Variants in TEP1 observed in about 807,000 individuals in gnomAD.
The protein encoded by TEP1 is telomerase associated protein 1.
Under a neutral mutation model 306.3 loss-of-function variants are expected in TEP1, and 241 were observed. That is an observed-to-expected ratio of 0.79 (90% confidence interval 0.71 to 0.88). TEP1 has a LOEUF of 0.88. TEP1 is among the 40% of genes least tolerant of loss of function. The pLI, the probability that TEP1 is intolerant of heterozygous loss-of-function variation, is 0.00. For missense variants in TEP1, 3,051 were observed against 3,276.1 expected (o/e 0.93, Z 1.68); for synonymous variants, 1,289 against 1,305.5 (o/e 0.99, Z 0.27).
chr14:20,387,944 T>G lies in TEP1; in HGVS notation c.2645A>C (p.Glu882Ala). 2.5e-6 allele frequency: 4 copies of G among 1,613,968 alleles called. No homozygotes were observed. Among genetic ancestry groups the G allele is most frequent in the Non-Finnish European group, 2.5e-6 (3 of 1,179,944 alleles). The change falls in exon 18 of 55, where the codon GAG (glutamate) becomes GCG (alanine). Residue 882 changes from glutamate (E) to alanine (A), a missense_variant. Physicochemically the swap from Glu to Ala is moderately radical, Grantham distance 107. This residue lies in a region of TEP1 where 1,507 missense variants were observed against 1,550.5 expected (regional missense o/e 0.97). Transcript: ENST00000262715. The part of the protein sequence containing the change: ...TGVQSLRPLE[E>A]DTPSPLAPVS... ...AGGAGCCAAGGGGCTTGGAGTGTCC[T>G]CTTCCAGTGGCCGGAGAGACTGGAC...
At position 20,389,855 on chromosome 14, in the gene TEP1, T is replaced by A. The variant is rs755249888; in HGVS notation, c.2335-115A>T. 19 of 1,355,100 alleles carry A rather than the reference T, an allele frequency of 1.4e-5. No individual in the cohort carries two copies. In the South Asian group the frequency reaches 2.3e-4, roughly 16 times the overall value. 83.9% of individuals were successfully genotyped at this position (1,355,100 alleles called of 1,614,324 possible). On this transcript the variant is annotated intron_variant, in intron 15 of 54. Coordinates refer to ENST00000262715, the MANE Select transcript of TEP1 (RefSeq NM_007110.5). ...AGGAGAACTCTGAGAGGAGTACCTC[T>A]CCTGAGAGCACATAGAATGAGGGAA...
chr14:20,369,643 C>T (rs750495252), intron 52 of TEP1, 31 bp downstream of exon 52: 9 of 1,612,908 alleles, frequency 5.6e-6, no homozygotes, highest in South Asian at 5.5e-5. Context: ...GGCCATCTCC[C>T]GGCTCCTCAG....
chr14:20,408,381 C>T lies in TEP1; in HGVS notation c.59G>A (p.Arg20Gln), dbSNP rs202114016. The change falls in exon 2 of 55, where the codon CGG becomes CAG. Residue 20 changes from arginine (R) to glutamine (Q), a missense_variant. Physicochemically the swap from Arg to Gln is conservative, Grantham distance 43. Coordinates refer to ENST00000262715, the MANE Select transcript of TEP1 (RefSeq NM_007110.5). ...TAAGTCAGGGAGCATAGCCAGGCAC[C>T]GGTTCTCCAAGGAGAGGATGTCTGG... ...AHPDILSLEN[R>Q]CLAMLPDLQP... The T allele has an allele frequency of 1.3e-5, 21 of 1,613,408 alleles. No homozygotes were observed. The Admixed American group carries it at 1.7e-4, about 13-fold the overall frequency.
Position 20,373,412 on chromosome 14 carries a change from A to G in TEP1, c.6682-10T>C, listed in dbSNP as rs1884977615. On this transcript the variant is annotated splice_polypyrimidine_tract_variant and intron_variant, in intron 46 of 54. Transcript: ENST00000262715. ...TGTGGGTTTGGCACACCTAGGAGGA[A>G]GGGATGGAGATGGGCTCATGAGAGT... The G allele has an allele frequency of 6.2e-7, 1 of 1,614,092 alleles. No individual in the cohort carries two copies. The highest frequency in any genetic ancestry group is 8.5e-7 in the Non-Finnish European group (1 of 1,179,980).
At position 20,372,781 on chromosome 14, in the gene TEP1, C is replaced by G; in HGVS notation, c.7028G>C (p.Ser2343Thr). Reference protein sequence around the residue: ...FFVLSADEKISEWQVKLRKGS... With the variant: ...FFVLSADEKITEWQVKLRKGS... ...CTTCCGCAGTTTCACTTGCCACTCG[C>G]TGATTTTCTCATCAGCACTGAGGAC... Residue 2343 changes from serine (S) to threonine (T), a missense_variant, in exon 49 of 55, where the codon AGC becomes ACC. By Grantham distance (58) the Ser-to-Thr change is moderately conservative. Coordinates refer to ENST00000262715, the MANE Select transcript of TEP1 (RefSeq NM_007110.5). 3 of 1,614,136 alleles carry G rather than the reference C, an allele frequency of 1.9e-6. No individual in the cohort carries two copies. The highest frequency in any genetic ancestry group is 2.5e-6 in the Non-Finnish European group (3 of 1,180,022).
At chr14:20,399,400 A>C (rs921584653) in intron 9 of TEP1, among the ~76,000 whole-genome samples, 3 of 152,192 alleles carry the variant, frequency 2.0e-5, no homozygotes, top group African/African-American at 7.2e-5. Flanking sequence ...TTAAGATTGC[A>C]AAATTCACTA....
intron 39 of TEP1, 61 bp from the exon 40 acceptor site, chr14:20,377,814 T>C: frequency 6.3e-7 from 1 of 1,594,720 alleles, no homozygotes. Context: ...CCTTCCTGTT[T>C]TGAGTTACAG....
Position 20,378,403 on chromosome 14 carries a change from C to T in TEP1, c.5485G>A (p.Val1829Met), listed in dbSNP as rs1439015159. 6 of 1,614,136 alleles carry T rather than the reference C, an allele frequency of 3.7e-6. No individual in the cohort carries two copies. Among genetic ancestry groups the T allele is most frequent in the African/African-American group, 1.3e-5 (1 of 74,948 alleles). Reference protein sequence around the residue: ...SWAGSISFFQVDGLKVTKDLG... With the variant: ...SWAGSISFFQMDGLKVTKDLG... ...ACCTTGGTGACTTTGAGCCCATCCA[C>T]CTGGAAGAAGCTGATGCTGCCAGCC... The change falls in exon 38 of 55, where the codon GTG becomes ATG. Residue 1829 changes from valine to methionine, a missense_variant. By Grantham distance (21) the Val-to-Met change is conservative (BLOSUM62 1). Transcript: ENST00000262715.
Position 20,377,493 on chromosome 14 carries a change from C to A in TEP1, c.5876-1G>T. 1.9e-6 allele frequency: 3 copies of A among 1,613,668 alleles called. No individual in the cohort carries two copies. Among genetic ancestry groups the A allele is most frequent in the Non-Finnish European group, 2.5e-6 (3 of 1,179,710 alleles). ...GCCTGACCCTGAGCCCCCTGGGAAC[C>A]TAGAGAATGAGAGAGAACAAGGGAG... On this transcript the variant is annotated splice_acceptor_variant, in intron 40 of 54. Coordinates refer to ENST00000262715, the MANE Select transcript of TEP1 (RefSeq NM_007110.5). LOFTEE classifies it high-confidence loss of function.
In TEP1 at chr14:20,373,082, T is replaced by C. The variant is rs1248634343; in HGVS notation, c.6880A>G (p.Met2294Val). The stretch of plus-strand genomic sequence containing the variant: ...CCAGCTTGATTTCCAGATACTGCCA[T>C]GGAACCATCTGGTGCCCAAGCCACA... ...TAVAWAPDGS[M>V]AVSGNQAGEL... The change falls in exon 48 of 55, where the codon ATG becomes GTG. Residue 2294 changes from methionine to valine, a missense_variant. By Grantham distance (21) the Met-to-Val change is conservative. Around this residue, in one of 3 missense-constraint regions of TEP1, gnomAD observed 1,540 missense variants for 1,705.9 expected, o/e 0.90. Transcript: ENST00000262715. The C allele has an allele frequency of 2.5e-6, 4 of 1,614,090 alleles. No individual in the cohort carries two copies. Among genetic ancestry groups the C allele is most frequent in the South Asian group, 1.1e-5 (1 of 91,088 alleles).
chr14:20,383,653 G>T lies in TEP1; in HGVS notation c.3711-9C>A, dbSNP rs368724046. On this transcript the variant is annotated splice_polypyrimidine_tract_variant and intron_variant, in intron 25 of 54. Coordinates refer to ENST00000262715, the MANE Select transcript of TEP1 (RefSeq NM_007110.5). ...GCTCCCACACCAGGCTTCTGTACAT[G>T]GAGAGGAAGTCAGGGTCAGTGGGAG... 6.2e-7 allele frequency: 1 copy of T among 1,612,430 alleles called. No individual in the cohort carries two copies. The highest frequency in any genetic ancestry group is 8.5e-7 in the Non-Finnish European group (1 of 1,179,508).
At chr14:20,391,127 C>T in intron 13 of TEP1, 31 bp from the exon 14 acceptor site, 1 of 1,607,418 alleles carries the variant, frequency 6.2e-7, no homozygotes, top group Admixed American at 1.7e-5. Context: ...GGAAATAAAG[C>T]TCCCCTGCTT....
chr14:20,410,799 GTGGTTTTT>G (rs1181761435), intron 1 of TEP1, among the ~76,000 whole-genome samples: 7 of 115,446 alleles, frequency 6.1e-5, no homozygotes, highest in Non-Finnish European at 8.8e-5. Flanking sequence ...TTTCTCCTTT[GTGGTTTTT>G]TTTTTTTTTT....
Position 20,372,722 on chromosome 14 carries a change from G to A in TEP1, c.7076+11C>T. On this transcript the variant is annotated intron_variant, in intron 49 of 54. Transcript: ENST00000262715. ...CTGTTTCTATCCCATTAACCCATCA[G>A]CCTGTTTCACCTCAAATTTCCGGGT... is the stretch of plus-strand genomic sequence containing the variant. 2 of 1,614,050 alleles carry A rather than the reference G, an allele frequency of 1.2e-6. No homozygotes were observed. Among genetic ancestry groups the A allele is most frequent in the Non-Finnish European group, 1.7e-6 (2 of 1,179,998 alleles).
Position 20,378,792 on chromosome 14 carries a change from G to A in TEP1, c.5314C>T (p.Arg1772Trp), listed in dbSNP as rs748921052. Residue 1772 changes from arginine to tryptophan, a missense_variant, in exon 37 of 55, where the codon CGG (arginine) becomes TGG (tryptophan). Arg to Trp is a moderately radical substitution (Grantham distance 101, BLOSUM62 -3). Coordinates refer to ENST00000262715, the MANE Select transcript of TEP1 (RefSeq NM_007110.5). ...ITGCCLSPDC[R>W]LLATVCLGGC... is the part of the protein sequence containing the mutation. ...CCCAAGCACACGGTGGCTAGCAGCC[G>A]GCAGTCTGGGCTCAGGCAGCAGCCA... The A allele has an allele frequency of 2.3e-5, 37 of 1,614,012 alleles. No homozygotes were observed. The highest frequency in any genetic ancestry group is 5.5e-5 in the South Asian group (5 of 91,084).
intron 17 of TEP1, among the ~76,000 whole-genome samples, chr14:20,388,280 C>T (rs1425361527): frequency 6.6e-6 from 1 of 152,220 alleles, no homozygotes; most frequent in African/African-American, 2.4e-5. Flanking sequence ...GCTCTAGCCC[C>T]TCCTGCTGTG....
intron 17 of TEP1, among the ~76,000 whole-genome samples, chr14:20,388,758 G>A (rs576135483): frequency 6.6e-6 from 1 of 152,332 alleles, no homozygotes; most frequent in South Asian, 2.1e-4. Flanking sequence ...TGAGGATCAT[G>A]GAGCAATAAG....
rs1594375653 is a variant in TEP1, at chr14:20,405,519, G to A, written c.802C>T (p.Pro268Ser). 6.2e-7 allele frequency: 1 copy of A among 1,614,144 alleles called. No homozygotes were observed. The highest frequency in any genetic ancestry group is 8.5e-7 in the Non-Finnish European group (1 of 1,180,036). ...SEVNMNNTSD[P>S]TLAAIFEICR... Reference sequence around the variant, plus strand: ...ATTTCAAAAATGGCAGCCAGGGTGGGGTCAGATGTATTGTTCATGTTTACT... The same window carrying A: ...ATTTCAAAAATGGCAGCCAGGGTGGAGTCAGATGTATTGTTCATGTTTACT... The change falls in exon 4 of 55, where the codon CCC (proline) becomes TCC (serine). Residue 268 changes from proline to serine, a missense_variant. This residue lies in a region of TEP1 where 1,507 missense variants were observed against 1,550.5 expected (regional missense o/e 0.97). Transcript: ENST00000262715.
rs576402003 is a variant in TEP1 at position 20,406,400 on chromosome 14, C to T, written c.568G>A (p.Gly190Ser). 1.9e-6 allele frequency: 3 copies of T among 1,613,854 alleles called. No homozygotes were observed. The South Asian group carries it at 3.3e-5, about 18-fold the overall frequency. ...ATETAQEATL[G>S]RWFDSEEKKG... Reference sequence around the variant, plus strand: ...TTCTCTTCTGAATCAAACCAACGACCCTGGGGTAGTAGTGGCAGTTATGAA... The same window carrying T: ...TTCTCTTCTGAATCAAACCAACGACTCTGGGGTAGTAGTGGCAGTTATGAA... The change falls in exon 3 of 55, where the codon GGT becomes AGT. Residue 190 changes from glycine (G) to serine (S), a missense_variant and splice_region_variant. Around this residue, in one of 3 missense-constraint regions of TEP1, gnomAD observed 1,507 missense variants for 1,550.5 expected, o/e 0.97. Coordinates refer to ENST00000262715, the MANE Select transcript of TEP1 (RefSeq NM_007110.5).
Sources: allele counts gnomAD v4.1 joint callset (sites outside exome capture counted in the v4.1 genomes callset), GRCh38; gene constraint gnomAD v4.1.1; regional missense constraint gnomAD v4.1.1; transcripts MANE v1.5; gene names NCBI Gene and HGNC (gene_info 2026-07-23, HGNC 2026-07-21).